The following EIF3E variants were observed in gnomAD, a reference collection of about 807,000 sequenced individuals.
EIF3E encodes the protein eukaryotic translation initiation factor 3 subunit E, also known as eIF-3 p48.
EIF3E carries 25 observed loss-of-function variants against 59.3 expected under a neutral mutation model. The ratio of observed to expected loss-of-function variants is 0.42; its 90% confidence interval spans 0.31 to 0.59. The LOEUF is 0.59. Among genes scored for constraint, EIF3E ranks in the 20% least tolerant of loss-of-function variants. EIF3E has a pLI of 0.15. For synonymous variants in EIF3E, 176 were observed against 170.2 expected (o/e 1.03, Z -0.26); for missense variants, 317 against 534.3 (o/e 0.59, Z 4.01).
Position 108,240,929 on chromosome 8 carries a change from G to A in EIF3E, c.206-854C>T, listed in dbSNP as rs374409668. On this transcript the variant is annotated intron_variant, in intron 2 of 12. Coordinates refer to ENST00000220849, the MANE Select transcript of EIF3E (RefSeq NM_001568.3). ...CGGGAGGCGGAGCTTACAGTGAGCCGAGATCGCACCACTGCACTCCAGCCC... is the reference window on the plus strand; with the variant it reads ...CGGGAGGCGGAGCTTACAGTGAGCCAAGATCGCACCACTGCACTCCAGCCC... Among the ~76,000 whole-genome samples, 124 of 151,862 alleles carry A rather than the reference G, an allele frequency of 8.2e-4. 1 individual carries two copies. In the South Asian group the frequency reaches 0.025, roughly 31 times the overall value.
Position 108,236,220 on chromosome 8 carries a change from A to G in EIF3E, c.324-17T>C. 1 of 1,603,802 alleles carries G rather than the reference A, an allele frequency of 6.2e-7. No individual in the cohort carries two copies. Among genetic ancestry groups the G allele is most frequent in the South Asian group, 1.1e-5 (1 of 89,192 alleles). On this transcript the variant is annotated splice_polypyrimidine_tract_variant and intron_variant, in intron 3 of 12. Coordinates refer to ENST00000220849, the MANE Select transcript of EIF3E (RefSeq NM_001568.3). ...CTACCATCCCTAAATAATAAAAAAC[A>G]AAAATTACATTATTTTAAAGGCCAC... is the stretch of plus-strand genomic sequence containing the variant.
chr8:108,223,169 C>T (rs550218672), intron 7 of EIF3E, among the ~76,000 whole-genome samples: 165 of 152,196 alleles, frequency 1.1e-3, no homozygotes, highest in Non-Finnish European at 2.1e-3. Context: ...AGTAACTAAA[C>T]ACCAAATACA....
At chr8:108,216,623 G>C in intron 8 of EIF3E, 110 bp from the exon 9 acceptor site, 1 of 749,518 alleles carries the variant, frequency 1.3e-6, no homozygotes, top group South Asian at 1.7e-5. Flanking sequence ...TTAATTTCTA[G>C]CCAAATTACC....
At chr8:108,204,538 C>T (rs1381422793) in intron 10 of EIF3E, among the ~76,000 whole-genome samples, 1 of 151,696 alleles carries the variant, frequency 6.6e-6, no homozygotes, top group Non-Finnish European at 1.5e-5. Context: ...ATTATTCATC[C>T]ATGTAACGAA....
At chr8:108,220,259 C>T (rs1276675791) in intron 7 of EIF3E, among the ~76,000 whole-genome samples, 1 of 152,156 alleles carries the variant, frequency 6.6e-6, no homozygotes, top group Admixed American at 6.5e-5. Flanking sequence ...AAGACATGTA[C>T]AATTCTATTA....
intron 10 of EIF3E, among the ~76,000 whole-genome samples, chr8:108,205,128 C>A (rs988657467): frequency 6.6e-6 from 1 of 152,006 alleles, no homozygotes; most frequent in African/African-American, 2.4e-5. Flanking sequence ...TAAAATAAGA[C>A]CCTCATAAGC....
chr8:108,234,953 C>G, intron 5 of EIF3E, 45 bp downstream of exon 5: 1 of 1,060,992 alleles, frequency 9.4e-7, no homozygotes. Context: ...GGGAATCCTA[C>G]AAAAGACAAA....
At chr8:108,217,267 A>G in intron 8 of EIF3E, 67 bp downstream of exon 8, 1 of 1,258,900 alleles carries the variant, frequency 7.9e-7, no homozygotes, top group Non-Finnish European at 1.1e-6. Context: ...GTCTTACCTT[A>G]GAAAAAGAGG....
chr8:108,207,971 G>A (rs976751189), intron 10 of EIF3E, among the ~76,000 whole-genome samples: 1 of 151,938 alleles, frequency 6.6e-6, no homozygotes, highest in Non-Finnish European at 1.5e-5. Flanking sequence ...TTTGTTTCCA[G>A]GAAGTAAAAA....
chr8:108,214,865 A>G, intron 9 of EIF3E, 149 bp from the exon 10 acceptor site: 1 of 647,106 alleles, frequency 1.5e-6, no homozygotes, highest in South Asian at 2.2e-5. Flanking sequence ...CAAATCTTTA[A>G]TGATTTAAAT....
intron 10 of EIF3E, among the ~76,000 whole-genome samples, chr8:108,207,827 T>A (rs187647308): frequency 5.3e-4 from 80 of 152,294 alleles, no homozygotes; most frequent in African/African-American, 1.9e-3. Context: ...TCTTTCATCC[T>A]CAGTTCAATT....
intron 5 of EIF3E, among the ~76,000 whole-genome samples, chr8:108,232,456 T>C (rs1815641936): frequency 1.3e-5 from 2 of 152,268 alleles, no homozygotes; most frequent in South Asian, 4.1e-4. Context: ...TTAGGGGCAA[T>C]GCAAAAGTTT....
At chr8:108,240,878 G>A (rs187715982) in intron 2 of EIF3E, among the ~76,000 whole-genome samples, 1,947 of 152,150 alleles carry the variant, frequency 0.013, 50 homozygotes, top group African/African-American at 0.044. Flanking sequence ...TACTCGGGAG[G>A]CTGAGGCAGG....
intron 10 of EIF3E, among the ~76,000 whole-genome samples, chr8:108,213,668 T>C (rs1452553256): frequency 6.6e-6 from 1 of 152,232 alleles, no homozygotes; most frequent in Admixed American, 6.5e-5. Flanking sequence ...CCTACCTCTT[T>C]ATTTCATAAC....
At chr8:108,242,464 C>A in intron 1 of EIF3E, 2 of 1,283,792 alleles carry the variant, frequency 1.6e-6, no homozygotes, top group Non-Finnish European at 2.0e-6. Context: ...CACAAACTCA[C>A]AACAACATGA....
At chr8:108,204,802 G>C (rs925813164) in intron 10 of EIF3E, among the ~76,000 whole-genome samples, 2 of 140,646 alleles carry the variant, frequency 1.4e-5, no homozygotes, top group African/African-American at 5.4e-5. Context: ...GAGAGAGAGA[G>C]ACTGAATTTC....
chr8:108,216,625 C>T, intron 8 of EIF3E, 112 bp from the exon 9 acceptor site: 1 of 730,716 alleles, frequency 1.4e-6, no homozygotes, highest in Non-Finnish European at 2.3e-6. Context: ...AATTTCTAGC[C>T]AAATTACCTA....
intron 1 of EIF3E, 173 bp from the exon 2 acceptor site, chr8:108,242,086 T>C: frequency 6.9e-7 from 1 of 1,455,114 alleles, no homozygotes; most frequent in Non-Finnish European, 9.1e-7. Context: ...GCAACCAACC[T>C]ATAGACGTAA....
chr8:108,246,074 A>C (rs1046809515), intron 1 of EIF3E, among the ~76,000 whole-genome samples: 3 of 152,172 alleles, frequency 2.0e-5, no homozygotes, highest in Admixed American at 6.5e-5. Flanking sequence ...AAAATAGAAC[A>C]ATTAAGTTAG....
Sources: allele counts gnomAD v4.1 joint callset (sites outside exome capture counted in the v4.1 genomes callset), GRCh38; gene constraint gnomAD v4.1.1; transcripts MANE v1.5; gene names NCBI Gene and HGNC (gene_info 2026-07-23, HGNC 2026-07-21).